Variants in DEFB119 observed in about 807,000 individuals in gnomAD.
The protein encoded by DEFB119 is defensin beta 119, also known as beta-defensin 119.
DEFB119 carries 3 observed loss-of-function variants against 2.5 expected under a neutral mutation model. The ratio of observed to expected loss-of-function variants is 1.19; its 90% confidence interval spans 0.54 to 3.07. DEFB119 has a LOEUF of 3.07. Ranked by LOEUF, DEFB119 falls within the 30% of genes most tolerant of loss-of-function variation. The pLI is 0.03. For synonymous variants in DEFB119, 29 were observed against 33.7 expected (o/e 0.86, Z 0.48); for missense variants, 113 against 101.1 (o/e 1.12, Z -0.50).
At chr20:31,385,328 T>C (rs1986651741) in intron 1 of DEFB119, among the ~76,000 whole-genome samples, 1 of 150,624 alleles carries the variant, frequency 6.6e-6, no homozygotes, top group African/African-American at 2.5e-5. Context: ...TCAGTGACAG[T>C]TTAGTACCTA....
intron 1 of DEFB119, among the ~76,000 whole-genome samples, chr20:31,384,096 A>T (rs997819527): frequency 6.6e-6 from 1 of 152,196 alleles, no homozygotes; most frequent in Admixed American, 6.5e-5. Flanking sequence ...ATAGATAAGG[A>T]TACATTTAGA....
chr20:31,377,591 G>A (rs1237227946), intron 1 of DEFB119, 152 bp from the exon 2 acceptor site: 2 of 918,664 alleles, frequency 2.2e-6, no homozygotes, highest in East Asian at 2.7e-5. Context: ...AAGAGTCAAT[G>A]TCTTTTTCTC....
At chr20:31,379,185 A>G (rs1986414828) in intron 1 of DEFB119, among the ~76,000 whole-genome samples, 1 of 152,024 alleles carries the variant, frequency 6.6e-6, no homozygotes, top group Non-Finnish European at 1.5e-5. Context: ...TGATCCACCC[A>G]CCTCAGCCTC....
At chr20:31,389,775 T>C (rs904294991) in intron 1 of DEFB119, among the ~76,000 whole-genome samples, 2 of 152,000 alleles carry the variant, frequency 1.3e-5, no homozygotes, top group Non-Finnish European at 2.9e-5. Flanking sequence ...CTCCCAGCCT[T>C]ACTCAACTCA....
intron 1 of DEFB119, among the ~76,000 whole-genome samples, chr20:31,387,688 C>G (rs982220757): frequency 6.6e-6 from 1 of 152,122 alleles, no homozygotes; most frequent in African/African-American, 2.4e-5. Context: ...ACCCAGTGGG[C>G]CCCACCCTCC....
At position 31,388,016 on chromosome 20, in the gene DEFB119, TG is replaced by T. The variant is rs1476500689; in HGVS notation, c.61+2406del. ...TGAACCATGCTTTACCGAGCACTCTTGGTCCCTGGCCTCACTGCAGAGGACG... is the reference window on the plus strand; with the variant it reads ...TGAACCATGCTTTACCGAGCACTCTTGTCCCTGGCCTCACTGCAGAGGACG... On this transcript the variant is annotated intron_variant, in intron 1 of 1. Coordinates refer to ENST00000376321, the MANE Select transcript of DEFB119 (RefSeq NM_153289.4). 6.0e-5 allele frequency: 59 copies of T among 976,642 alleles called. No homozygotes were observed. In the Admixed American group the frequency reaches 3.3e-3, roughly 54 times the overall value. The allele number at this position is 976,642 out of a possible 1,614,324, so 60.5% of individuals were successfully genotyped here. A position where few individuals can be genotyped will look rare whatever the true frequency, so the allele number is the denominator to read the frequency against.
At chr20:31,386,533 A>G (rs931411109) in intron 1 of DEFB119, among the ~76,000 whole-genome samples, 1 of 152,260 alleles carries the variant, frequency 6.6e-6, no homozygotes, top group Non-Finnish European at 1.5e-5. Flanking sequence ...GATGAGCATG[A>G]TGTTAAGTGA....
intron 1 of DEFB119, among the ~76,000 whole-genome samples, chr20:31,386,866 T>G (rs1300563081): frequency 7.1e-6 from 1 of 140,244 alleles, no homozygotes; most frequent in Non-Finnish European, 1.5e-5. Context: ...CAGGCTGGAG[T>G]GCAGTGGCGG....
intron 1 of DEFB119, chr20:31,389,382 G>C: frequency 9.9e-7 from 1 of 1,013,342 alleles, no homozygotes; most frequent in African/African-American, 1.6e-5. Flanking sequence ...AAAGAGAGAA[G>C]AGACCTTGAG....
In DEFB119 at chr20:31,390,341, G is replaced by A. The variant is rs925611972; in HGVS notation, c.61+82C>T. 2.7e-5 allele frequency: 35 copies of A among 1,317,300 alleles called. 1 individual carries two copies. The South Asian group carries it at 3.4e-4, about 13-fold the overall frequency. 81.6% of individuals were successfully genotyped at this position (1,317,300 alleles called of 1,614,324 possible). On this transcript the variant is annotated intron_variant, in intron 1 of 1. Coordinates refer to ENST00000376321, the MANE Select transcript of DEFB119 (RefSeq NM_153289.4). ...CTGCAGGAGAGAAGGAAAGGCTTCA[G>A]ATGATGCCCACAGTGAGAGGGAAGG...
chr20:31,381,790 G>A (rs530774966), intron 1 of DEFB119, among the ~76,000 whole-genome samples: 7 of 151,414 alleles, frequency 4.6e-5, no homozygotes, highest in South Asian at 4.2e-4. Context: ...CAGCCTGGGC[G>A]ACAGAGCCAG....
At chr20:31,388,006 C>G (rs1245518801) in intron 1 of DEFB119, 62 of 949,442 alleles carry the variant, frequency 6.5e-5, no homozygotes, top group Non-Finnish European at 7.1e-5. Flanking sequence ...CATGCTTTAC[C>G]GAGCACTCTT....
chr20:31,384,004 G>C (rs992875666), intron 1 of DEFB119, among the ~76,000 whole-genome samples: 6 of 152,114 alleles, frequency 3.9e-5, no homozygotes, highest in Non-Finnish European at 8.8e-5. Context: ...ATGGGAAACT[G>C]TGAATCATTA....
intron 1 of DEFB119, among the ~76,000 whole-genome samples, chr20:31,380,631 T>C (rs1280446045): frequency 3.9e-5 from 6 of 152,142 alleles, no homozygotes; most frequent in Non-Finnish European, 8.8e-5. Flanking sequence ...TTAGATTTTT[T>C]TTTTTCGCCT....
intron 1 of DEFB119, among the ~76,000 whole-genome samples, chr20:31,385,374 C>CAAAAAAAA (rs539118665): frequency 7.2e-4 from 83 of 115,572 alleles, no homozygotes; most frequent in East Asian, 1.1e-3. Flanking sequence ...TAACAAAAGA[C>CAAAAAAAA]AAAAAAAAAA....
chr20:31,386,844 C>T (rs1389269942), intron 1 of DEFB119, among the ~76,000 whole-genome samples: 2 of 122,110 alleles, frequency 1.6e-5, no homozygotes, highest in Middle Eastern at 7.9e-3. Flanking sequence ...GACGGAGTCT[C>T]GCTCTGTCGC....
At chr20:31,389,280 G>C (rs201884815) in intron 1 of DEFB119, 1 of 1,610,322 alleles carries the variant, frequency 6.2e-7, no homozygotes, top group East Asian at 2.2e-5. Flanking sequence ...TCCCTCAAGC[G>C]GAGAGAAAAG....
chr20:31,377,241 A>C lies in DEFB119; in HGVS notation c.*5T>G. 1 of 1,605,842 alleles carries C rather than the reference A, an allele frequency of 6.2e-7. No individual in the cohort carries two copies. The highest frequency in any genetic ancestry group is 8.5e-7 in the Non-Finnish European group (1 of 1,176,006). ...AGAGAGCTTGAGAATGGTAATCACC[A>C]GCACTCAAGGTAGTCTTGGCCACTG... On this transcript the variant is annotated 3_prime_UTR_variant, in exon 2 of 2. Coordinates refer to ENST00000376321, the MANE Select transcript of DEFB119 (RefSeq NM_153289.4).
intron 1 of DEFB119, among the ~76,000 whole-genome samples, chr20:31,384,844 T>G (rs970092935): frequency 6.6e-6 from 1 of 152,224 alleles, no homozygotes; most frequent in African/African-American, 2.4e-5. Context: ...GTAAGAACAG[T>G]AATGATCATT....
Sources: allele counts gnomAD v4.1 joint callset (sites outside exome capture counted in the v4.1 genomes callset), GRCh38; gene constraint gnomAD v4.1.1; transcripts MANE v1.5; gene names NCBI Gene and HGNC (gene_info 2026-07-23, HGNC 2026-07-21).